AGBL1: variants seen among roughly 807,000 people sequenced by gnomAD.
AGBL1 encodes AGBL carboxypeptidase 1.
Under a neutral mutation model 118.9 loss-of-function variants are expected in AGBL1, and 130 were observed. The observed-to-expected ratio is 1.09, with a 90% confidence interval of 0.95 to 1.26. The LOEUF is 1.26. Among genes scored for constraint, AGBL1 ranks in the 50% most tolerant of loss-of-function variants. The pLI is 0.00. For synonymous variants in AGBL1, 555 were observed against 478.9 expected (o/e 1.16, Z -2.08); for missense variants, 1,584 against 1,298.1 (o/e 1.22, Z -3.38).
At chr15:86,284,280 T>C (rs1597678649) in intron 16 of AGBL1, among the ~76,000 whole-genome samples, 2 of 151,818 alleles carry the variant, frequency 1.3e-5, no homozygotes, top group South Asian at 4.1e-4. Context: ...TGATTATTTT[T>C]TTCTTACTCT....
At chr15:86,722,549 A>C (rs1014094623) in intron 22 of AGBL1, among the ~76,000 whole-genome samples, 1 of 152,222 alleles carries the variant, frequency 6.6e-6, no homozygotes, top group Non-Finnish European at 1.5e-5. Flanking sequence ...AAAACCATAA[A>C]AACCCTAGAA....
At position 86,490,192 on chromosome 15, in the gene AGBL1, A is replaced by G. The variant is rs147951063; in HGVS notation, c.2556-32618A>G. ...CTTTACACTTGAGAAGTTACTCCAG[A>G]TGCAGCTCTGCTGAAAGTAACATAA... On this transcript the variant is annotated intron_variant, in intron 18 of 22. Coordinates refer to ENST00000614907, the MANE Select transcript of AGBL1 (RefSeq NM_001386094.1). 6.1e-4 allele frequency among the ~76,000 whole-genome samples: 93 copies of G among 152,148 alleles called. 1 individual carries two copies. Among genetic ancestry groups the G allele is most frequent in the Non-Finnish European group, 9.7e-4 (66 of 67,992 alleles).
Position 86,215,217 on chromosome 15 carries a change from ATGTATGCGTG to A in AGBL1, c.489-9693_489-9684del, listed in dbSNP as rs1171856699. 4.2e-3 allele frequency among the ~76,000 whole-genome samples: 544 copies of A among 128,278 alleles called. 6 individuals are homozygous for A. Among genetic ancestry groups the A allele is most frequent in the African/African-American group, 0.016 (518 of 33,330 alleles). 84.2% of individuals were successfully genotyped at this position (128,278 alleles called of 152,430 possible). The stretch of plus-strand genomic sequence containing the variant: ...GCTCTGTGTGTGTGTGTGAGTGTAT[ATGTATGCGTG>A]TGTGTGTGTGTGTGTGTGTGTGTGT... On this transcript the variant is annotated intron_variant, in intron 5 of 22. Transcript: ENST00000614907.
intron 23 of AGBL1, among the ~76,000 whole-genome samples, chr15:86,984,048 C>A (rs755458177): frequency 1.3e-5 from 2 of 151,920 alleles, no homozygotes; most frequent in East Asian, 1.9e-4. Context: ...GGATAAGTAC[C>A]CAGGGGAGAA....
At chr15:86,618,466 G>A (rs1043420136) in intron 21 of AGBL1, among the ~76,000 whole-genome samples, 8 of 152,112 alleles carry the variant, frequency 5.3e-5, no homozygotes, top group Non-Finnish European at 1.0e-4. Flanking sequence ...ACTCATTTGG[G>A]GCTTTTATTA....
chr15:86,355,665 C>A (rs887974248), intron 17 of AGBL1, among the ~76,000 whole-genome samples: 1 of 152,154 alleles, frequency 6.6e-6, no homozygotes, highest in African/African-American at 2.4e-5. Flanking sequence ...ATTTTCAAAG[C>A]AATTTTATAA....
At position 86,986,998 on chromosome 15, in the gene AGBL1, T is replaced by A. The variant is rs1251556325; in HGVS notation, c.3222-989T>A. ...GGAGTTGTTCTCAGGCGGGCAGGAG[T>A]GGGGGTCACAAGGTGCTCAGTTGGG... On this transcript the variant is annotated intron_variant, in intron 23 of 24. Transcript: ENST00000441037. Among the ~76,000 whole-genome samples the A allele has an allele frequency of 2.0e-5, 3 of 150,134 alleles. No homozygotes were observed. The East Asian group carries it at 5.9e-4, about 30-fold the overall frequency.
At chr15:86,493,462 A>G (rs977098563) in intron 18 of AGBL1, among the ~76,000 whole-genome samples, 1 of 152,032 alleles carries the variant, frequency 6.6e-6, no homozygotes, top group Non-Finnish European at 1.5e-5. Context: ...AATGTGAAAG[A>G]TGAAGGGGAG....
intron 5 of AGBL1, among the ~76,000 whole-genome samples, chr15:86,196,877 G>GCACA (rs1411585572): frequency 9.3e-5 from 8 of 86,322 alleles, no homozygotes; most frequent in Admixed American, 1.2e-4. Context: ...GTGCGCGCGC[G>GCACA]CGCACACACA....
At chr15:86,466,206 C>G (rs1488523152) in intron 18 of AGBL1, among the ~76,000 whole-genome samples, 1 of 152,130 alleles carries the variant, frequency 6.6e-6, no homozygotes, top group East Asian at 1.9e-4. Context: ...ATTCTTTTTT[C>G]TCTAATCTTG....
At chr15:86,267,875 T>A (rs888224387) in intron 13 of AGBL1, among the ~76,000 whole-genome samples, 18 of 152,208 alleles carry the variant, frequency 1.2e-4, no homozygotes, top group African/African-American at 4.3e-4. Flanking sequence ...GTGGTGGCCA[T>A]AGACAGACAT....
At position 86,900,471 on chromosome 15, in the gene AGBL1, A is replaced by G. The variant is rs117469710; in HGVS notation, c.3159-6616A>G. Among the ~76,000 whole-genome samples, 223 of 152,256 alleles carry G rather than the reference A, an allele frequency of 1.5e-3. 6 individuals carry two copies. In the East Asian group the frequency reaches 0.034, roughly 24 times the overall value. ...TGACAAATGGGAAAATAATTTATCCATTCTTAGTTCTTTCTTTTAATTTTC... is the reference window on the plus strand; with the variant it reads ...TGACAAATGGGAAAATAATTTATCCGTTCTTAGTTCTTTCTTTTAATTTTC... On this transcript the variant is annotated intron_variant, in intron 22 of 22. Coordinates refer to ENST00000614907, the MANE Select transcript of AGBL1 (RefSeq NM_001386094.1).
At chr15:86,378,506 AG>A in intron 17 of AGBL1, among the ~76,000 whole-genome samples, 1 of 152,212 alleles carries the variant, frequency 6.6e-6, no homozygotes, top group African/African-American at 2.4e-5. Context: ...CTGGTCATCC[AG>A]TGCTGTTTTT....
chr15:86,632,430 C>T lies in AGBL1; in HGVS notation c.2995-41843C>T, dbSNP rs545452785. ...TGCACTCCAGCCTGGGCAACAAGAG[C>T]GAAACTCTGTCTCAACAACAAAAAA... is the stretch of plus-strand genomic sequence containing the variant. On this transcript the variant is annotated intron_variant, in intron 21 of 22. Coordinates refer to ENST00000614907, the MANE Select transcript of AGBL1 (RefSeq NM_001386094.1). Among the ~76,000 whole-genome samples, 9 of 152,066 alleles carry T rather than the reference C, an allele frequency of 5.9e-5. No individual in the cohort carries two copies. In the South Asian group the frequency reaches 1.5e-3, roughly 25 times the overall value.
chr15:86,843,246 T>C (rs1411561054), intron 22 of AGBL1, among the ~76,000 whole-genome samples: 1 of 152,140 alleles, frequency 6.6e-6, no homozygotes, highest in African/African-American at 2.4e-5. Context: ...AAGACTTCAC[T>C]CAGCTTTGAG....
chr15:86,199,108 CTTTTTA>C lies in AGBL1; in HGVS notation c.489-25800_489-25795del, dbSNP rs201519305. Among the ~76,000 whole-genome samples the C allele has an allele frequency of 3.5e-4, 53 of 152,162 alleles. No homozygotes were observed. The East Asian group carries it at 8.7e-3, about 25-fold the overall frequency. ...TCATTATACATACATGCTTTGTTTA[CTTTTTA>C]TTTTTTTAACATTGATATTTACTTA... is the stretch of plus-strand genomic sequence containing the variant. On this transcript the variant is annotated intron_variant, in intron 5 of 22. Coordinates refer to ENST00000614907, the MANE Select transcript of AGBL1 (RefSeq NM_001386094.1).
chr15:86,522,507 G>A (rs543045740), intron 18 of AGBL1, among the ~76,000 whole-genome samples: 1 of 152,270 alleles, frequency 6.6e-6, no homozygotes, highest in South Asian at 2.1e-4. Context: ...TTTATTAAAT[G>A]TATTCCCCAT....
chr15:86,821,706 G>T (rs1034918633), intron 22 of AGBL1, among the ~76,000 whole-genome samples: 1 of 152,080 alleles, frequency 6.6e-6, no homozygotes, highest in African/African-American at 2.4e-5. Context: ...CATTTATTGA[G>T]CATTTACTGT....
chr15:86,222,774 T>C (rs2078299530), intron 5 of AGBL1, among the ~76,000 whole-genome samples: 2 of 152,220 alleles, frequency 1.3e-5, no homozygotes, highest in African/African-American at 4.8e-5. Context: ...ATGTCACTGT[T>C]TGGATTAATA....
Sources: gnomAD v4.1 joint callset for allele counts (sites outside exome capture counted in the v4.1 genomes callset) on GRCh38, gnomAD v4.1.1 for gene constraint, MANE v1.5 for transcripts, NCBI Gene and HGNC (gene_info 2026-07-23, HGNC 2026-07-21) for gene names.